MAGI3: variants seen among roughly 807,000 people sequenced by gnomAD.
MAGI3 encodes the protein membrane associated guanylate kinase, WW and PDZ domain containing 3, also known as membrane-associated guanylate kinase, WW and PDZ domain-containing protein 3.
In MAGI3, 43 loss-of-function variants were observed where a neutral mutation model predicts 121.8. The observed-to-expected ratio is 0.35, with a 90% CI of 0.28 to 0.46. The LOEUF is 0.46. Ranked by LOEUF, MAGI3 falls within the 20% of genes least tolerant of loss-of-function variation. MAGI3 has a pLI of 1.00. For synonymous variants in MAGI3, 553 were observed against 639.3 expected (o/e 0.86, Z 2.04); for missense variants, 1,547 against 1,797.3 (o/e 0.86, Z 2.52).
At chr1:113,643,823 A>ATCTTT in intron 11 of MAGI3, 49 bp downstream of exon 11, 1 of 1,547,512 alleles carries the variant, frequency 6.5e-7, no homozygotes, top group Non-Finnish European at 8.9e-7. Context: ...ACTGAGAGAG[A>ATCTTT]TGCCACATTC....
chr1:113,513,024 C>G (rs1436196920), intron 1 of MAGI3, among the ~76,000 whole-genome samples: 2 of 152,232 alleles, frequency 1.3e-5, no homozygotes, highest in East Asian at 3.9e-4. Context: ...CTCCCATTCA[C>G]AATTGCTTCA....
chr1:113,419,641 T>C (rs991867226), intron 1 of MAGI3, among the ~76,000 whole-genome samples: 1 of 88,644 alleles, frequency 1.1e-5, no homozygotes, highest in African/African-American at 3.6e-5. Context: ...AGCAAGACCT[T>C]GTATTTTTGG....
chr1:113,511,280 A>T (rs1657602415), intron 1 of MAGI3, among the ~76,000 whole-genome samples: 1 of 152,232 alleles, frequency 6.6e-6, no homozygotes, highest in Admixed American at 6.5e-5. Flanking sequence ...ACCTTAAAGT[A>T]TGAAATATAA....
At chr1:113,559,613 G>T (rs1209114047) in intron 2 of MAGI3, among the ~76,000 whole-genome samples, 2 of 151,098 alleles carry the variant, frequency 1.3e-5, no homozygotes, top group African/African-American at 4.9e-5. Flanking sequence ...TGTCGCCCAG[G>T]CTGAAGTGCA....
chr1:113,591,357 A>G (rs1351345304), intron 5 of MAGI3, among the ~76,000 whole-genome samples: 6 of 152,164 alleles, frequency 3.9e-5, no homozygotes, highest in Admixed American at 2.6e-4. Flanking sequence ...TAATTTGCCC[A>G]AAGGTAGAAT....
chr1:113,444,250 G>A (rs1000092974), intron 1 of MAGI3, among the ~76,000 whole-genome samples: 7 of 152,186 alleles, frequency 4.6e-5, no homozygotes, highest in African/African-American at 1.7e-4. Flanking sequence ...CAAATATTGG[G>A]GATCTGTGCT....
rs956437751 is a variant in MAGI3 at position 113,391,200 on chromosome 1, C to G, written c.167C>G (p.Thr56Ser). The G allele has an allele frequency of 6.4e-7, 1 of 1,552,260 alleles. No homozygotes were observed. The highest frequency in any genetic ancestry group is 1.4e-5 in the African/African-American group (1 of 73,106). The stretch of plus-strand genomic sequence containing the variant: ...CTCCGCGAGGAGCCCGGCGGGGGCA[C>G]CTGCTGCGTCGTCTCGGGCAAGGCG... The part of the protein sequence containing the change: ...GRLREEPGGG[T>S]CCVVSGKAPS... The change falls in exon 1 of 21, where the codon ACC becomes AGC. Residue 56 changes from threonine to serine, a missense_variant. By Grantham distance (58) the Thr-to-Ser change is moderately conservative (BLOSUM62 1). Coordinates refer to ENST00000307546, the MANE Select transcript of MAGI3 (RefSeq NM_001142782.2). This position sits in a 1 kb window ranked among gnomAD's most constrained non-coding sequence, Gnocchi z 4.4.
At chr1:113,504,793 C>G (rs1657227075) in intron 1 of MAGI3, among the ~76,000 whole-genome samples, 1 of 151,896 alleles carries the variant, frequency 6.6e-6, no homozygotes, top group South Asian at 2.1e-4. Flanking sequence ...AAATTACAAA[C>G]AAAATAATGC....
chr1:113,573,319 G>C (rs1426759424), intron 2 of MAGI3, among the ~76,000 whole-genome samples: 4 of 152,172 alleles, frequency 2.6e-5, no homozygotes, highest in Non-Finnish European at 5.9e-5. Flanking sequence ...CCAGTTTTCC[G>C]ATGTGGGCAT....
intron 16 of MAGI3, among the ~76,000 whole-genome samples, chr1:113,668,394 C>G (rs1647293853): frequency 6.6e-6 from 1 of 151,914 alleles, no homozygotes; most frequent in Admixed American, 6.6e-5. Context: ...AGAAGATAGG[C>G]CTGTTTGACA....
chr1:113,542,847 A>G (rs956261417), intron 1 of MAGI3, among the ~76,000 whole-genome samples: 1 of 152,156 alleles, frequency 6.6e-6, no homozygotes, highest in East Asian at 1.9e-4. Context: ...TACAATGTTT[A>G]CAGTGTAGGC....
intron 1 of MAGI3, among the ~76,000 whole-genome samples, chr1:113,413,137 C>T (rs2101342514): frequency 6.6e-6 from 1 of 152,290 alleles, no homozygotes; most frequent in East Asian, 1.9e-4. Context: ...CATAGGGAAT[C>T]CTTTCCCCAT....
chr1:113,468,197 T>C (rs1486625755), intron 1 of MAGI3, among the ~76,000 whole-genome samples: 3 of 152,210 alleles, frequency 2.0e-5, no homozygotes, highest in Admixed American at 1.3e-4. Flanking sequence ...AATTGGAGAA[T>C]TGAGTTCATT....
At chr1:113,659,973 G>A (rs1653693402) in intron 16 of MAGI3, among the ~76,000 whole-genome samples, 2 of 152,110 alleles carry the variant, frequency 1.3e-5, no homozygotes, top group Non-Finnish European at 2.9e-5. Flanking sequence ...GAATTATGAA[G>A]GGTCAGTCTT....
intron 19 of MAGI3, among the ~76,000 whole-genome samples, chr1:113,677,791 A>G (rs1189924170): frequency 6.6e-6 from 1 of 151,602 alleles, no homozygotes; most frequent in Admixed American, 6.6e-5. Flanking sequence ...TTATTTTTCA[A>G]TAATACAAAA....
At position 113,659,123 on chromosome 1, in the gene MAGI3, T is replaced by C; in HGVS notation, c.2673T>C (p.Ala891=). Residue 891 remains alanine (A), a synonymous_variant, in exon 16 of 21, where the codon GCT becomes GCC. Transcript: ENST00000307546. ...GCCGAGTCATAGAAGGAAGTCCGGC[T>C]GACCGCTGTGGAAAACTGAAAGTTG... is the stretch of plus-strand genomic sequence containing the variant. ...KIGRVIEGSP[A]DRCGKLKVGD... 6.2e-7 allele frequency: 1 copy of C among 1,614,006 alleles called. No homozygotes were observed. Among genetic ancestry groups the C allele is most frequent in the Non-Finnish European group, 8.5e-7 (1 of 1,179,922 alleles).
At chr1:113,421,121 T>G (rs950102169) in intron 1 of MAGI3, among the ~76,000 whole-genome samples, 4 of 152,112 alleles carry the variant, frequency 2.6e-5, no homozygotes, top group African/African-American at 7.2e-5. Context: ...AGCATCATGG[T>G]ATTTACCTTT....
intron 2 of MAGI3, among the ~76,000 whole-genome samples, chr1:113,575,763 C>T (rs889152465): frequency 2.0e-5 from 3 of 152,224 alleles, no homozygotes; most frequent in African/African-American, 7.2e-5. Flanking sequence ...CAGGCAGGAA[C>T]ATTTAAGTTA....
At chr1:113,650,896 T>C (rs540605304) in intron 13 of MAGI3, 118 bp from the exon 14 acceptor site, 9 of 847,460 alleles carry the variant, frequency 1.1e-5, no homozygotes, top group Non-Finnish European at 1.7e-5. Flanking sequence ...AAAATATAAC[T>C]GTTTTCATAG....
Sources: gnomAD v4.1 joint callset for allele counts (sites outside exome capture counted in the v4.1 genomes callset) on GRCh38, gnomAD v4.1.1 for gene constraint, Gnocchi (gnomAD v3.1) non-coding constraint, MANE v1.5 for transcripts, NCBI Gene and HGNC (gene_info 2026-07-23, HGNC 2026-07-21) for gene names.